GPD2: variants seen among roughly 807,000 people sequenced by gnomAD.
The protein encoded by GPD2 is glycerol-3-phosphate dehydrogenase 2.
GPD2 carries 54 observed loss-of-function variants against 82.4 expected under a neutral mutation model. The observed-to-expected ratio is 0.66, with a 90% CI of 0.53 to 0.82. GPD2 has a LOEUF of 0.82. Among genes scored for constraint, GPD2 ranks in the 40% least tolerant of loss-of-function variants. The probability of loss-of-function intolerance (pLI) is 0.00; values close to 1 mark genes in which losing one functional copy is unlikely to be tolerated. For synonymous variants in GPD2, 288 were observed against 306.1 expected, an observed-to-expected ratio of 0.94 and a Z score of 0.62; for missense variants, 748 against 896.2, an observed-to-expected ratio of 0.83 and a Z score of 2.11.
At chr2:156,516,649 T>G (rs1386972189) in intron 6 of GPD2, among the ~76,000 whole-genome samples, 1 of 152,244 alleles carries the variant, frequency 6.6e-6, no homozygotes, top group African/African-American at 2.4e-5. Flanking sequence ...CTCCCTGTAT[T>G]GCCTAGGCTA....
chr2:156,515,742 G>A (rs534092370), intron 6 of GPD2, among the ~76,000 whole-genome samples: 60 of 152,230 alleles, frequency 3.9e-4, no homozygotes, highest in African/African-American at 1.4e-3. Flanking sequence ...AAGTCTTGAG[G>A]CAAAGGAGTA....
chr2:156,536,576 C>T (rs1209359632), intron 6 of GPD2, among the ~76,000 whole-genome samples: 1 of 152,186 alleles, frequency 6.6e-6, no homozygotes, highest in Admixed American at 6.5e-5. Flanking sequence ...CAGCACTTAA[C>T]CTTGACTATG....
intron 6 of GPD2, among the ~76,000 whole-genome samples, chr2:156,517,888 C>T (rs1248185282): frequency 6.6e-6 from 1 of 152,130 alleles, no homozygotes; most frequent in African/African-American, 2.4e-5. Flanking sequence ...TTCAATACCT[C>T]CATTAAGCCA....
intron 6 of GPD2, among the ~76,000 whole-genome samples, chr2:156,520,559 T>TGTTA (rs1238103881): frequency 6.4e-5 from 8 of 124,312 alleles, no homozygotes; most frequent in Admixed American, 1.9e-4. Flanking sequence ...TTATTTTTAT[T>TGTTA]GTTATTTATT....
intron 2 of GPD2, among the ~76,000 whole-genome samples, chr2:156,478,479 G>T (rs893684717): frequency 1.1e-4 from 17 of 151,982 alleles, no homozygotes; most frequent in Admixed American, 9.8e-4. Context: ...TAGCAGGTGC[G>T]ATGTAGCCAT....
chr2:156,513,743 A>ATTGTG (rs1425388613), intron 6 of GPD2, among the ~76,000 whole-genome samples: 3 of 152,062 alleles, frequency 2.0e-5, no homozygotes, highest in Admixed American at 6.6e-5. Context: ...TTTGTGTCTC[A>ATTGTG]TGGTTGGTTT....
At chr2:156,582,173 C>A (rs1191477464) in intron 16 of GPD2, among the ~76,000 whole-genome samples, 1 of 151,940 alleles carries the variant, frequency 6.6e-6, no homozygotes, top group East Asian at 1.9e-4. Context: ...AAGGCCTTTG[C>A]CCGCTGCCTG....
At chr2:156,415,832 G>A in the GPD2 span, among the ~76,000 whole-genome samples, 2 of 152,020 alleles carry the variant, frequency 1.3e-5, no homozygotes, top group Non-Finnish European at 2.9e-5. Flanking sequence ...TCCAGCCTGG[G>A]CAACAATAGC....
chr2:156,424,488 C>G, the GPD2 span, among the ~76,000 whole-genome samples: 1 of 152,018 alleles, frequency 6.6e-6, no homozygotes, highest in Admixed American at 6.6e-5. Flanking sequence ...CTCAAGGACA[C>G]AGTAAAGTGG....
chr2:156,558,305 T>C (rs1250827441), intron 9 of GPD2, among the ~76,000 whole-genome samples: 1 of 152,196 alleles, frequency 6.6e-6, no homozygotes, highest in Non-Finnish European at 1.5e-5. Context: ...TCTCTTTCCA[T>C]ATCCAGTCTA....
chr2:156,522,911 T>A (rs1685462431), intron 6 of GPD2, among the ~76,000 whole-genome samples: 1 of 150,630 alleles, frequency 6.6e-6, no homozygotes, highest in Non-Finnish European at 1.5e-5. Context: ...TGATTGATTT[T>A]TTTTTTTCTT....
At chr2:156,434,754 G>T (rs2105126965), upstream of GPD2, among the ~76,000 whole-genome samples, 1 of 152,246 alleles carries the variant, frequency 6.6e-6, no homozygotes, top group South Asian at 2.1e-4. Flanking sequence ...TTAAACCGTG[G>T]TTCTCAAACT....
At chr2:156,520,396 G>A (rs915436255) in intron 6 of GPD2, among the ~76,000 whole-genome samples, 1 of 152,004 alleles carries the variant, frequency 6.6e-6, no homozygotes, top group African/African-American at 2.4e-5. Context: ...AGCCAACTGT[G>A]ACTATTCACC....
At chr2:156,458,452 A>C (rs1682862058) in intron 1 of GPD2, among the ~76,000 whole-genome samples, 3 of 152,222 alleles carry the variant, frequency 2.0e-5, no homozygotes, top group African/African-American at 4.8e-5. Flanking sequence ...ATGTAGGGCG[A>C]GTTTAGGTGC....
intron 2 of GPD2, among the ~76,000 whole-genome samples, chr2:156,478,646 G>T (rs1329080629): frequency 6.6e-6 from 1 of 151,792 alleles, no homozygotes; most frequent in Non-Finnish European, 1.5e-5. Flanking sequence ...CCATTCTAGC[G>T]GGGGGGAATT....
At position 156,583,980 on chromosome 2, in the gene GPD2, T is replaced by C. The variant is rs914138694; in HGVS notation, c.*1062T>C. On this transcript the variant is annotated 3_prime_UTR_variant, in exon 17 of 17. Coordinates refer to ENST00000438166, the MANE Select transcript of GPD2 (RefSeq NM_000408.5). ...AATAGACTTTAGTTAACTTTAATTA[T>C]AATTATATGTTAAATAAGGCACATA... The C allele has an allele frequency of 4.6e-5, 7 of 152,056 alleles. No individual in the cohort carries two copies. Among genetic ancestry groups the C allele is most frequent in the African/African-American group, 1.7e-4 (7 of 41,430 alleles). The allele number at this position is 152,056 out of a possible 1,614,324, so 9.4% of individuals were successfully genotyped here.
chr2:156,412,558 T>C, the GPD2 span, among the ~76,000 whole-genome samples: 1 of 152,164 alleles, frequency 6.6e-6, no homozygotes, highest in African/African-American at 2.4e-5. Flanking sequence ...GTTTTCTTCT[T>C]GGTAAAAAGG....
In GPD2 at chr2:156,571,301, T is replaced by C; in HGVS notation, c.1767+9T>C. On this transcript the variant is annotated intron_variant, in intron 13 of 16. Transcript: ENST00000438166. ...ATGATTATAAGAAGCAGGTATTATA[T>C]AGAAGTCTTTAAAACCACAATTCCT... 1 of 1,555,824 alleles carries C rather than the reference T, an allele frequency of 6.4e-7. No individual in the cohort carries two copies. Among genetic ancestry groups the C allele is most frequent in the East Asian group, 2.3e-5 (1 of 44,220 alleles).
intron 2 of GPD2, among the ~76,000 whole-genome samples, chr2:156,483,049 G>C (rs372643149): frequency 6.6e-6 from 1 of 151,420 alleles, no homozygotes; most frequent in African/African-American, 2.4e-5. Context: ...AGTGCTTTTT[G>C]ATTAGTAGTA....
Sources: gnomAD v4.1 joint callset for allele counts (sites outside exome capture counted in the v4.1 genomes callset) on GRCh38, gnomAD v4.1.1 for gene constraint, MANE v1.5 for transcripts, NCBI Gene and HGNC (gene_info 2026-07-23, HGNC 2026-07-21) for gene names.